CAMP: variants seen among roughly 807,000 people sequenced by gnomAD.
CAMP encodes the protein 18 kDa cationic antimicrobial protein.
In CAMP, 10 loss-of-function variants were observed where a neutral mutation model predicts 12.7. The ratio of observed to expected loss-of-function variants is 0.79; its 90% confidence interval spans 0.49 to 1.34. The LOEUF (loss-of-function observed/expected upper bound fraction) is 1.34, where lower values mean the gene tolerates loss of function less well. Among genes scored for constraint, CAMP ranks in the 40% most tolerant of loss-of-function variants. The pLI, the probability that CAMP is intolerant of heterozygous loss-of-function variation, is 0.00. For missense variants in CAMP, 205 were observed against 213.0 expected, an observed-to-expected ratio of 0.96 and a Z score of 0.23; for synonymous variants, 87 against 85.2, an observed-to-expected ratio of 1.02 and a Z score of -0.12.
At position 48,225,385 on chromosome 3, in the gene CAMP, G is replaced by A. The variant is rs772503218; in HGVS notation, c.474G>A (p.Lys158=). ...KEFKRIVQRI[K]DFLRNLVPRT... is the part of the protein sequence containing the mutation. ...TTAAAAGAATTGTCCAGAGAATCAA[G>A]GATTTTTTGCGGAATCTTGTACCCA... Residue 158 remains lysine (K), a synonymous_variant, in exon 4 of 4, where the codon AAG becomes AAA. Coordinates refer to ENST00000652295, the MANE Select transcript of CAMP (RefSeq NM_004345.5). 4 of 1,613,888 alleles carry A rather than the reference G, an allele frequency of 2.5e-6. No individual in the cohort carries two copies. In the South Asian group the frequency reaches 4.4e-5, roughly 18 times the overall value.
intron 1 of CAMP, 152 bp from the exon 2 acceptor site, chr3:48,224,202 G>A (rs2033470253): frequency 1.6e-6 from 1 of 640,432 alleles, no homozygotes; most frequent in South Asian, 1.8e-5. Context: ...GAATGGCTCA[G>A]TCCTCCTCCC....
chr3:48,224,638 C>A lies in CAMP; in HGVS notation c.345C>A (p.Asn115Lys). The change falls in exon 3 of 4, where the codon AAC (asparagine) becomes AAA (lysine). Residue 115 changes from asparagine (N) to lysine (K), a missense_variant. Asn to Lys is a moderately conservative substitution (Grantham distance 94, BLOSUM62 0). Coordinates refer to ENST00000652295, the MANE Select transcript of CAMP (RefSeq NM_004345.5). ...VKRCMGTVTL[N>K]QARGSFDISC... is the part of the protein sequence containing the mutation. Reference sequence around the variant, plus strand: ...GGTGTATGGGGACAGTGACCCTCAACCAGGCCAGGGGCTCCTTTGACATCA... The same window carrying A: ...GGTGTATGGGGACAGTGACCCTCAAACAGGCCAGGGGCTCCTTTGACATCA... The A allele has an allele frequency of 6.2e-7, 1 of 1,612,950 alleles. No individual in the cohort carries two copies. Among genetic ancestry groups the A allele is most frequent in the South Asian group, 1.1e-5 (1 of 90,210 alleles).
rs190488321 is a variant in CAMP at position 48,224,927 on chromosome 3, C to T, written c.381+253C>T. ...CCCTACTCAGACCTACTCAGACAGA[C>T]TCTGGGTAGGGCCCAGAAATTCGTA... On this transcript the variant is annotated intron_variant, in intron 3 of 3. Coordinates refer to ENST00000652295, the MANE Select transcript of CAMP (RefSeq NM_004345.5). Among the ~76,000 whole-genome samples, 3 of 152,250 alleles carry T rather than the reference C, an allele frequency of 2.0e-5. No individual in the cohort carries two copies. In the East Asian group the frequency reaches 5.8e-4, roughly 29 times the overall value.
Position 48,224,462 on chromosome 3 carries a change from G to A in CAMP, c.309+1G>A, listed in dbSNP as rs1420471118. On this transcript the variant is annotated splice_donor_variant, in intron 2 of 3. Coordinates refer to ENST00000652295, the MANE Select transcript of CAMP (RefSeq NM_004345.5). LOFTEE classifies it high-confidence loss of function. ...GGATTGTGACTTCAAGAAGGACGGG[G>A]TGAGGCTGGGGGCTGGGGGTGTTGG... The A allele has an allele frequency of 2.5e-6, 4 of 1,607,156 alleles. No homozygotes were observed. Among genetic ancestry groups the A allele is most frequent in the Non-Finnish European group, 3.4e-6 (4 of 1,173,622 alleles).
At chr3:48,224,059 T>C (rs2033466890) in intron 1 of CAMP, among the ~76,000 whole-genome samples, 1 of 152,112 alleles carries the variant, frequency 6.6e-6, no homozygotes, top group African/African-American at 2.4e-5. Context: ...ATCCAGACTT[T>C]AGGTTCCAGT....
rs745988858 is a variant in CAMP at position 48,224,355 on chromosome 3, A to G, written c.203A>G (p.Asp68Gly). The G allele has an allele frequency of 1.9e-6, 3 of 1,609,620 alleles. No homozygotes were observed. The highest frequency in any genetic ancestry group is 2.6e-6 in the Non-Finnish European group (3 of 1,175,948). ...LLDLDPRPTM[D>G]GDPDTPKPVS... is the part of the protein sequence containing the mutation. ...CTCCCCATTTCCTCCTCTGACTAGG[A>G]TGGGGACCCAGACACGCCAAAGCCT... The change falls in exon 2 of 4, where the codon GAT becomes GGT. Residue 68 changes from aspartate (D) to glycine (G), a missense_variant and splice_region_variant. By Grantham distance (94) the Asp-to-Gly change is moderately conservative. Coordinates refer to ENST00000652295, the MANE Select transcript of CAMP (RefSeq NM_004345.5).
chr3:48,223,760 GTGT>G, intron 1 of CAMP, 48 bp downstream of exon 1: 1 of 1,450,130 alleles, frequency 6.9e-7, no homozygotes, highest in Non-Finnish European at 9.6e-7. Context: ...GCTTGGCCAC[GTGT>G]TGTTCCTTCT....
At position 48,225,277 on chromosome 3, in the gene CAMP, C is replaced by T. The variant is rs752881352; in HGVS notation, c.382-16C>T. ...TCCCCGACAAGGAACCTGTTTCTTC[C>T]TGTACACAACCCCAGGATAACAAGA... On this transcript the variant is annotated splice_polypyrimidine_tract_variant and intron_variant, in intron 3 of 3. Transcript: ENST00000652295. 1.9e-6 allele frequency: 3 copies of T among 1,612,490 alleles called. No homozygotes were observed. The highest frequency in any genetic ancestry group is 2.2e-5 in the East Asian group (1 of 44,822).
intron 3 of CAMP, among the ~76,000 whole-genome samples, chr3:48,224,949 C>T (rs1413687999): frequency 6.6e-6 from 1 of 152,070 alleles, no homozygotes; most frequent in African/African-American, 2.4e-5. Flanking sequence ...CCCAGAAATT[C>T]GTATTTTGAT....
Position 48,224,156 on chromosome 3 carries a change from G to A in CAMP, c.202-198G>A, listed in dbSNP as rs77598739. The stretch of plus-strand genomic sequence containing the variant: ...GGGCTCCTTGTTAGAGCTCATCTGA[G>A]GTCTGCTCCTACTCACTGTTCACCT... On this transcript the variant is annotated intron_variant, in intron 1 of 3. Coordinates refer to ENST00000652295, the MANE Select transcript of CAMP (RefSeq NM_004345.5). Among the ~76,000 whole-genome samples the A allele has an allele frequency of 6.9e-3, 1,055 of 152,116 alleles. 5 individuals carry two copies. The highest frequency in any genetic ancestry group is 0.011 in the Non-Finnish European group (749 of 67,974).
chr3:48,223,987 C>T (rs2033462667), intron 1 of CAMP, among the ~76,000 whole-genome samples: 1 of 152,104 alleles, frequency 6.6e-6, no homozygotes, highest in Non-Finnish European at 1.5e-5. Context: ...TGGCTCTGGG[C>T]AGTGACCTCC....
rs1316511522 is a variant in CAMP at position 48,225,471 on chromosome 3, T to A, written c.*47T>A. On this transcript the variant is annotated 3_prime_UTR_variant, in exon 4 of 4. Transcript: ENST00000652295. ...GGCTTCTGGGCTCTGAGAAATAAAC[T>A]ATGAGAGCAATTTCCTCAGGCTTCA... 1 of 1,566,736 alleles carries A rather than the reference T, an allele frequency of 6.4e-7. No individual in the cohort carries two copies. The highest frequency in any genetic ancestry group is 1.8e-5 in the Admixed American group (1 of 56,612).
At position 48,224,393 on chromosome 3, in the gene CAMP, G is replaced by A. The variant is rs1559974736; in HGVS notation, c.241G>A (p.Val81Met). Residue 81 changes from valine (V) to methionine (M), a missense_variant, in exon 2 of 4, where the codon GTG becomes ATG. Coordinates refer to ENST00000652295, the MANE Select transcript of CAMP (RefSeq NM_004345.5). The part of the protein sequence containing the change: ...PDTPKPVSFT[V>M]KETVCPRTTQ... ...CACGCCAAAGCCTGTGAGCTTCACA[G>A]TGAAGGAGACAGTGTGCCCCAGGAC... 3.1e-6 allele frequency: 5 copies of A among 1,613,948 alleles called. No individual in the cohort carries two copies. In the South Asian group the frequency reaches 5.5e-5, roughly 18 times the overall value.
At chr3:48,225,180 C>T in intron 3 of CAMP, 113 bp from the exon 4 acceptor site, 1 of 1,055,042 alleles carries the variant, frequency 9.5e-7, no homozygotes, top group Non-Finnish European at 1.4e-6. Flanking sequence ...AACTGGGGCC[C>T]CAAAGCTCCT....
In CAMP at chr3:48,225,325, C is replaced by G; in HGVS notation, c.414C>G (p.Phe138Leu). The G allele has an allele frequency of 6.2e-7, 1 of 1,613,636 alleles. No homozygotes were observed. The highest frequency in any genetic ancestry group is 8.5e-7 in the Non-Finnish European group (1 of 1,179,620). The change falls in exon 4 of 4, where the codon TTC (phenylalanine) becomes TTG (leucine). Residue 138 changes from phenylalanine (F) to leucine (L), a missense_variant. Transcript: ENST00000652295. ...AGAGATTTGCCCTGCTGGGTGATTT[C>G]TTCCGGAAATCTAAAGAGAAGATTG... ...DNKRFALLGD[F>L]FRKSKEKIGK... is the part of the protein sequence containing the mutation.
intron 3 of CAMP, 99 bp downstream of exon 3, chr3:48,224,773 G>A: frequency 1.1e-6 from 1 of 943,046 alleles, no homozygotes; most frequent in South Asian, 1.4e-5. Flanking sequence ...GACAGAGAAA[G>A]CCCCTCCTAC....
chr3:48,224,510 A>G lies in CAMP; in HGVS notation c.309+49A>G, dbSNP rs114044447. 1,087 of 1,531,022 alleles carry G rather than the reference A, an allele frequency of 7.1e-4. 9 individuals are homozygous for G. In the African/African-American group the frequency reaches 0.013, roughly 18 times the overall value. 94.8% of individuals were successfully genotyped at this position (1,531,022 alleles called of 1,614,324 possible). A position where few individuals can be genotyped will look rare whatever the true frequency, so the allele number is the denominator to read the frequency against. The stretch of plus-strand genomic sequence containing the variant: ...TGGTGGGTGCCTCCCAAGGAGCTGA[A>G]CAGGGGGCACCTGGGGAATATTTCC... On this transcript the variant is annotated intron_variant, in intron 2 of 3. Coordinates refer to ENST00000652295, the MANE Select transcript of CAMP (RefSeq NM_004345.5).
chr3:48,224,749 C>A, intron 3 of CAMP, 75 bp downstream of exon 3: 1 of 1,118,662 alleles, frequency 8.9e-7, no homozygotes, highest in Non-Finnish European at 1.4e-6. Context: ...CAATTAACTA[C>A]TCCCCCAACC....
At position 48,223,666 on chromosome 3, in the gene CAMP, A is replaced by C. The variant is rs775324696; in HGVS notation, c.155A>C (p.Asp52Ala). ...GATGGCATCAACCAGCGGTCCTCGG[A>C]TGCTAACCTCTACCGCCTCCTGGAC... ...AIDGINQRSS[D>A]ANLYRLLDLD... is the part of the protein sequence containing the mutation. Residue 52 changes from aspartate to alanine, a missense_variant, in exon 1 of 4, where the codon GAT (aspartate) becomes GCT (alanine). Asp to Ala is a moderately radical substitution (Grantham distance 126). Transcript: ENST00000652295. 6.2e-7 allele frequency: 1 copy of C among 1,614,104 alleles called. No homozygotes were observed. Among genetic ancestry groups the C allele is most frequent in the Non-Finnish European group, 8.5e-7 (1 of 1,179,998 alleles).
Sources: gnomAD v4.1 joint callset for allele counts (sites outside exome capture counted in the v4.1 genomes callset) on GRCh38, gnomAD v4.1.1 for gene constraint, MANE v1.5 for transcripts, NCBI Gene and HGNC (gene_info 2026-07-23, HGNC 2026-07-21) for gene names.